The following MN1 variants were observed in gnomAD, a reference collection of about 807,000 sequenced individuals.
MN1 encodes MN1 proto-oncogene, transcriptional regulator.
In MN1, 19 loss-of-function variants were observed where a neutral mutation model predicts 86.9. The ratio of observed to expected loss-of-function variants is 0.22; its 90% CI spans 0.15 to 0.32. The LOEUF (loss-of-function observed/expected upper bound fraction) is 0.32. Ranked by LOEUF, MN1 falls within the 10% of genes least tolerant of loss-of-function variation. The pLI is 1.00. For missense variants in MN1, 1,841 were observed against 1,862.0 expected, an observed-to-expected ratio of 0.99 and a Z score of 0.21; for synonymous variants, 928 against 849.6, an observed-to-expected ratio of 1.09 and a Z score of -1.60.
chr22:27,772,693 C>T (rs1185347401), intron 1 of MN1, among the ~76,000 whole-genome samples: 1 of 152,110 alleles, frequency 6.6e-6, no homozygotes, highest in African/African-American at 2.4e-5. Context: ...CGCAGCTGCG[C>T]CCCTTTGGGC....
chr22:27,793,411 C>A (rs542529000), intron 1 of MN1, among the ~76,000 whole-genome samples: 20 of 149,510 alleles, frequency 1.3e-4, no homozygotes, highest in Non-Finnish European at 2.5e-4. Context: ...GATGATTTTG[C>A]AAACTCTTTT....
rs1388104292 is a variant in MN1 at position 27,799,969 on chromosome 22, G to A, written c.575C>T (p.Pro192Leu). The A allele has an allele frequency of 6.2e-7, 1 of 1,603,350 alleles. No individual in the cohort carries two copies. The highest frequency in any genetic ancestry group is 1.7e-5 in the Admixed American group (1 of 59,650). ...GGCTCGGTTAGGGCTCTGGTCCAGC[G>A]GCAGGCATGGGGCCGGCACGGCGTG... is the stretch of plus-strand genomic sequence containing the variant. ...SSHAVPAPCL[P>L]LDQSPNRAAS... Residue 192 changes from proline (P) to leucine (L), a missense_variant, in exon 1 of 2, where the codon CCG becomes CTG. Physicochemically the swap from Pro to Leu is moderately conservative, Grantham distance 98 (BLOSUM62 -3). Transcript: ENST00000302326.
chr22:27,785,573 A>T (rs1345806530), intron 1 of MN1, among the ~76,000 whole-genome samples: 1 of 152,256 alleles, frequency 6.6e-6, no homozygotes, highest in African/African-American at 2.4e-5. Context: ...TAGTTCATTA[A>T]GGAAATGCAG....
At chr22:27,763,265 C>T (rs1037281618) in intron 1 of MN1, among the ~76,000 whole-genome samples, 1 of 152,222 alleles carries the variant, frequency 6.6e-6, no homozygotes, top group Non-Finnish European at 1.5e-5. Flanking sequence ...CTATGGAGCA[C>T]CTGCCTCATC....
chr22:27,784,665 T>A (rs886458175), intron 1 of MN1, among the ~76,000 whole-genome samples: 1 of 152,220 alleles, frequency 6.6e-6, no homozygotes, highest in African/African-American at 2.4e-5. Flanking sequence ...TGCATTTTTA[T>A]CTAAATGGTT....
In MN1 at chr22:27,794,743, T is replaced by C. The variant is rs45506393; in HGVS notation, c.3781+2020A>G. Among the ~76,000 whole-genome samples the C allele has an allele frequency of 7.9e-5, 12 of 152,216 alleles. No individual in the cohort carries two copies. The East Asian group carries it at 2.3e-3, about 29-fold the overall frequency. ...ACCCTATACCTGTCCACCTAGTCTA[T>C]GAAGGCCCTTTAAAAGACTTGAAGA... On this transcript the variant is annotated intron_variant, in intron 1 of 1. Coordinates refer to ENST00000302326, the MANE Select transcript of MN1 (RefSeq NM_002430.3).
chr22:27,794,889 G>A (rs1933267045), intron 1 of MN1, among the ~76,000 whole-genome samples: 1 of 151,456 alleles, frequency 6.6e-6, no homozygotes, highest in African/African-American at 2.4e-5. Flanking sequence ...TGGGAGGGGA[G>A]GATGAGAAGG....
At chr22:27,784,726 G>A (rs1413130164) in intron 1 of MN1, among the ~76,000 whole-genome samples, 2 of 152,178 alleles carry the variant, frequency 1.3e-5, no homozygotes, top group African/African-American at 4.8e-5. Context: ...AATAGGCCCT[G>A]CTACCATTAG....
chr22:27,795,214 G>T (rs529351996), intron 1 of MN1, among the ~76,000 whole-genome samples: 1 of 152,268 alleles, frequency 6.6e-6, no homozygotes, highest in East Asian at 1.9e-4. Flanking sequence ...CGTCCCGGGC[G>T]TCCTGGGCTG....
rs1932745849 is a variant in MN1 at position 27,749,845 on chromosome 22, T to C, written c.*1070A>G. 4.3e-6 allele frequency: 1 copy of C among 230,910 alleles called. No homozygotes were observed. The highest frequency in any genetic ancestry group is 8.6e-6 in the Non-Finnish European group (1 of 116,616). 14.3% of individuals were successfully genotyped at this position (230,910 alleles called of 1,614,324 possible). A position where few individuals can be genotyped will look rare whatever the true frequency, so the allele number is the denominator to read the frequency against. Reference sequence around the variant, plus strand: ...TGCCCAGGCTGGACTGGGGATGGAATGGGAGAGGTGGAGGAGATACACGCA... The same window carrying C: ...TGCCCAGGCTGGACTGGGGATGGAACGGGAGAGGTGGAGGAGATACACGCA... On this transcript the variant is annotated 3_prime_UTR_variant, in exon 2 of 2. Coordinates refer to ENST00000302326, the MANE Select transcript of MN1 (RefSeq NM_002430.3).
At position 27,800,097 on chromosome 22, in the gene MN1, G is replaced by C. The variant is rs1015860322; in HGVS notation, c.447C>G (p.Phe149Leu). ...AAGGLGSQPP[F>L]AEGYEHMAES... ...CCGCCATGTGCTCATAGCCCTCGGCGAAGGGCGGCTGGCTGCCCAGGCCTC... is the reference window on the plus strand; with the variant it reads ...CCGCCATGTGCTCATAGCCCTCGGCCAAGGGCGGCTGGCTGCCCAGGCCTC... The change falls in exon 1 of 2, where the codon TTC becomes TTG. Residue 149 changes from phenylalanine (F) to leucine (L), a missense_variant. Physicochemically the swap from Phe to Leu is conservative, Grantham distance 22 (BLOSUM62 0). Transcript: ENST00000302326. The C allele has an allele frequency of 2.5e-6, 4 of 1,588,368 alleles. No individual in the cohort carries two copies. Among genetic ancestry groups the C allele is most frequent in the Non-Finnish European group, 3.4e-6 (4 of 1,172,832 alleles).
At chr22:27,752,339 G>A (rs531576450) in intron 1 of MN1, among the ~76,000 whole-genome samples, 1 of 152,150 alleles carries the variant, frequency 6.6e-6, no homozygotes, top group Non-Finnish European at 1.5e-5. Flanking sequence ...GAGAGACAGA[G>A]AATCTGAGCT....
intron 1 of MN1, among the ~76,000 whole-genome samples, chr22:27,774,623 A>G (rs796809713): frequency 2.8e-4 from 43 of 152,314 alleles, no homozygotes; most frequent in African/African-American, 1.0e-3. Flanking sequence ...ATAAATGATA[A>G]TAATACCAAT....
intron 1 of MN1, among the ~76,000 whole-genome samples, chr22:27,789,591 A>G (rs569405775): frequency 6.6e-6 from 1 of 152,334 alleles, no homozygotes; most frequent in South Asian, 2.1e-4. Context: ...TCCCTCAACA[A>G]TGTGAGTTTA....
At position 27,796,955 on chromosome 22, in the gene MN1, T is replaced by G; in HGVS notation, c.3589A>C (p.Ser1197Arg). The G allele has an allele frequency of 6.2e-7, 1 of 1,612,514 alleles. No homozygotes were observed. Among genetic ancestry groups the G allele is most frequent in the Non-Finnish European group, 8.5e-7 (1 of 1,179,810 alleles). The change falls in exon 1 of 2, where the codon AGC (serine) becomes CGC (arginine). Residue 1197 changes from serine (S) to arginine (R), a missense_variant. Ser to Arg is a moderately radical substitution (Grantham distance 110, BLOSUM62 -1). Coordinates refer to ENST00000302326, the MANE Select transcript of MN1 (RefSeq NM_002430.3). ...TCGGAGCAGCAGCTGCCCAGCTCGCTGTCGCCATTCTGCGCCCCTGAGGCC... is the reference window on the plus strand; with the variant it reads ...TCGGAGCAGCAGCTGCCCAGCTCGCGGTCGCCATTCTGCGCCCCTGAGGCC... Reference protein sequence around the residue: ...VGASGAQNGDSELGSCCSEAV... With the variant: ...VGASGAQNGDRELGSCCSEAV...
In MN1 at chr22:27,797,318, G is replaced by T. The variant is rs754544394; in HGVS notation, c.3226C>A (p.Pro1076Thr). 8 of 1,602,666 alleles carry T rather than the reference G, an allele frequency of 5.0e-6. No homozygotes were observed. The East Asian group carries it at 1.8e-4, about 36-fold the overall frequency. Residue 1076 changes from proline (P) to threonine (T), a missense_variant, in exon 1 of 2, where the codon CCC becomes ACC. Transcript: ENST00000302326. Reference protein sequence around the residue: ...PQALVKASRSPLVTGSPKLPP... With the variant: ...PQALVKASRSTLVTGSPKLPP... ...AGTTTGGGCGAGCCGGTCACCAGGG[G>T]ACTCCTGCTCGCTTTAACTAGTGCC...
intron 1 of MN1, among the ~76,000 whole-genome samples, chr22:27,794,793 T>G (rs1421804392): frequency 1.4e-5 from 2 of 146,678 alleles, no homozygotes; most frequent in African/African-American, 5.1e-5. Flanking sequence ...TTTTCTTAAA[T>G]GGATTCTTTA....
At chr22:27,788,897 A>G (rs1036999484) in intron 1 of MN1, among the ~76,000 whole-genome samples, 3 of 152,140 alleles carry the variant, frequency 2.0e-5, no homozygotes, top group Admixed American at 2.0e-4. Flanking sequence ...ACCCCCCCAG[A>G]CGGTGTCACT....
Position 27,798,960 on chromosome 22 carries a change from C to T in MN1, c.1584G>A (p.Gln528=), listed in dbSNP as rs1327578479. The T allele has an allele frequency of 6.3e-7, 1 of 1,595,734 alleles. No individual in the cohort carries two copies. Among genetic ancestry groups the T allele is most frequent in the Non-Finnish European group, 8.5e-7 (1 of 1,171,548 alleles). Residue 528 remains glutamine, a synonymous_variant, in exon 1 of 2, where the codon CAG becomes CAA. Coordinates refer to ENST00000302326, the MANE Select transcript of MN1 (RefSeq NM_002430.3). ...DHQSLQQQQQ[Q]QQQQQQQQQQ... ...GCTGCTGCTGTTGCTGCTGCTGCTG[C>T]TGCTGCTGCTGCTGTTGCAGGGACT...
Sources: gnomAD v4.1 joint callset for allele counts (sites outside exome capture counted in the v4.1 genomes callset) on GRCh38, gnomAD v4.1.1 for gene constraint, MANE v1.5 for transcripts, NCBI Gene and HGNC (gene_info 2026-07-23, HGNC 2026-07-21) for gene names.